Variants in OLA1 observed in about 807,000 individuals in gnomAD.
OLA1 encodes obg-like ATPase 1.
A neutral mutation model predicts 48.4 loss-of-function variants in OLA1; 14 were observed. That is an observed-to-expected ratio of 0.29 (90% CI 0.19 to 0.45). OLA1 has a LOEUF of 0.45. Ranked by LOEUF, OLA1 falls within the 20% of genes least tolerant of loss-of-function variation. The pLI is 1.00. For synonymous variants in OLA1, 127 were observed against 150.4 expected, an observed-to-expected ratio of 0.84 and a Z score of 1.14; for missense variants, 325 against 467.1, an observed-to-expected ratio of 0.70 and a Z score of 2.80.
intron 7 of OLA1, among the ~76,000 whole-genome samples, chr2:174,082,355 C>T (rs1314588064): frequency 6.6e-6 from 1 of 152,092 alleles, no homozygotes; most frequent in African/African-American, 2.4e-5. Flanking sequence ...GCATTAACAC[C>T]TGTACCCTTG....
At chr2:174,136,591 T>G (rs115541532) in intron 5 of OLA1, among the ~76,000 whole-genome samples, 1,550 of 152,276 alleles carry the variant, frequency 0.01, 28 homozygotes, top group African/African-American at 0.035. Flanking sequence ...CCTCTCAAAG[T>G]CATCCATGTG....
intron 7 of OLA1, among the ~76,000 whole-genome samples, chr2:174,090,286 G>T (rs115330285): frequency 6.6e-6 from 1 of 152,068 alleles, no homozygotes; most frequent in Non-Finnish European, 1.5e-5. Flanking sequence ...TAACTGGAAG[G>T]CTACCACAAA....
intron 7 of OLA1, among the ~76,000 whole-genome samples, chr2:174,114,494 G>A (rs1685736290): frequency 6.6e-6 from 1 of 151,762 alleles, no homozygotes; most frequent in Admixed American, 6.6e-5. Context: ...ATCCATATAC[G>A]TTCCTGGGGA....
intron 5 of OLA1, among the ~76,000 whole-genome samples, chr2:174,131,385 C>G (rs931903273): frequency 1.3e-5 from 2 of 152,042 alleles, no homozygotes; most frequent in African/African-American, 4.8e-5. Context: ...GCTGTTTACA[C>G]TTTAAGGCTA....
At chr2:174,113,373 T>G (rs16862388) in intron 7 of OLA1, among the ~76,000 whole-genome samples, 17,570 of 152,256 alleles carry the variant, frequency 0.12, 2,326 homozygotes, top group East Asian at 0.72. Flanking sequence ...TGTACCACTA[T>G]TTTAGACTTG....
chr2:174,142,242 T>C (rs1686471079), intron 4 of OLA1, among the ~76,000 whole-genome samples: 1 of 152,176 alleles, frequency 6.6e-6, no homozygotes, highest in Non-Finnish European at 1.5e-5. Flanking sequence ...ATTATGGTCT[T>C]TACAAAAACA....
chr2:174,227,920 T>C (rs983053500), intron 3 of OLA1, among the ~76,000 whole-genome samples: 2 of 152,218 alleles, frequency 1.3e-5, no homozygotes, highest in Non-Finnish European at 2.9e-5. Flanking sequence ...ATATACTTTG[T>C]AATTAGAACT....
chr2:174,134,241 G>A (rs1446406381), intron 5 of OLA1, among the ~76,000 whole-genome samples: 2 of 152,188 alleles, frequency 1.3e-5, no homozygotes, highest in African/African-American at 4.8e-5. Flanking sequence ...TTAACTTTTA[G>A]AGAAACTGTC....
chr2:174,155,959 C>A (rs1686867493), intron 4 of OLA1, among the ~76,000 whole-genome samples: 1 of 152,150 alleles, frequency 6.6e-6, no homozygotes, highest in East Asian at 1.9e-4. Flanking sequence ...GGATTTCAGA[C>A]TGACTGATTA....
intron 5 of OLA1, among the ~76,000 whole-genome samples, chr2:174,134,555 T>C (rs1686256601): frequency 1.3e-5 from 2 of 152,356 alleles, no homozygotes; most frequent in Admixed American, 1.3e-4. Context: ...GTATTTTAAC[T>C]GAACTCTATA....
At chr2:174,113,113 T>G in intron 7 of OLA1, among the ~76,000 whole-genome samples, 1 of 152,098 alleles carries the variant, frequency 6.6e-6, no homozygotes, top group East Asian at 1.9e-4. Context: ...GCTAATTTTT[T>G]TGTATTTTTT....
intron 4 of OLA1, among the ~76,000 whole-genome samples, chr2:174,147,590 A>G (rs1369228272): frequency 6.6e-6 from 1 of 152,174 alleles, no homozygotes; most frequent in Non-Finnish European, 1.5e-5. Context: ...TTTTCTTTCA[A>G]ACTCAAAATA....
chr2:174,239,338 A>C (rs1410928570), intron 2 of OLA1, among the ~76,000 whole-genome samples: 1 of 152,242 alleles, frequency 6.6e-6, no homozygotes, highest in Non-Finnish European at 1.5e-5. Context: ...ACGAGCAATC[A>C]AAGTTAATAT....
intron 4 of OLA1, among the ~76,000 whole-genome samples, chr2:174,217,574 GTC>G (rs1480681523): frequency 3.9e-5 from 6 of 152,114 alleles, no homozygotes; most frequent in African/African-American, 1.4e-4. Context: ...AAAGTGTACA[GTC>G]AGATGTATAC....
rs570798334 is a variant in OLA1, at chr2:174,107,379, A to G, written c.728+15801T>C. On this transcript the variant is annotated intron_variant, in intron 7 of 10. Transcript: ENST00000284719. ...TACTAAGATAACTGCTGTTTGGAGC[A>G]CAGCAAAGCAATTTCCCACAGTGGG... Among the ~76,000 whole-genome samples the G allele has an allele frequency of 2.2e-4, 33 of 152,262 alleles. No individual in the cohort carries two copies. In the East Asian group the frequency reaches 5.6e-3, roughly 26 times the overall value.
At chr2:174,202,442 A>G (rs536205186) in intron 4 of OLA1, among the ~76,000 whole-genome samples, 5 of 152,202 alleles carry the variant, frequency 3.3e-5, no homozygotes, top group Non-Finnish European at 5.9e-5. Flanking sequence ...CTCTCCAGAA[A>G]ATTGTGTATT....
chr2:174,185,259 C>G (rs1191307242), intron 4 of OLA1, among the ~76,000 whole-genome samples: 1 of 152,156 alleles, frequency 6.6e-6, no homozygotes, highest in Non-Finnish European at 1.5e-5. Flanking sequence ...CATACCAATT[C>G]CTTTCACAAC....
At chr2:174,093,347 T>C (rs909043835) in intron 7 of OLA1, among the ~76,000 whole-genome samples, 3 of 151,798 alleles carry the variant, frequency 2.0e-5, no homozygotes, top group African/African-American at 7.3e-5. Flanking sequence ...TGAGCACCTA[T>C]AGTCAAGCCA....
At chr2:174,136,703 G>C (rs1055915592) in intron 5 of OLA1, among the ~76,000 whole-genome samples, 2 of 148,374 alleles carry the variant, frequency 1.3e-5, no homozygotes, top group Non-Finnish European at 3.0e-5. Context: ...GACGAGTCTT[G>C]GTCTGTAACC....
Sources: allele counts gnomAD v4.1 joint callset (sites outside exome capture counted in the v4.1 genomes callset), GRCh38; gene constraint gnomAD v4.1.1; transcripts MANE v1.5; gene names NCBI Gene and HGNC (gene_info 2026-07-23, HGNC 2026-07-21).